The following ATM variants were observed in gnomAD, a reference collection of about 807,000 sequenced individuals.
The protein encoded by ATM is serine-protein kinase ATM.
In ATM, 308 loss-of-function variants were observed where a neutral mutation model predicts 387.0. That is an observed-to-expected ratio of 0.80 (90% confidence interval 0.73 to 0.87). ATM has a LOEUF of 0.87. ATM is among the 40% of genes least tolerant of loss of function. ATM has a pLI of 0.00. For missense variants in ATM, 3,312 were observed against 3,560.9 expected (o/e 0.93, Z 1.78); for synonymous variants, 1,156 against 1,187.3 (o/e 0.97, Z 0.54).
intron 29 of ATM, among the ~76,000 whole-genome samples, chr11:108,291,538 A>C (rs1021842704): frequency 1.3e-5 from 2 of 152,196 alleles, no homozygotes; most frequent in Non-Finnish European, 2.9e-5. Flanking sequence ...GCCATTGAGA[A>C]ACTAATCTAT....
intron 37 of ATM, among the ~76,000 whole-genome samples, 153 bp from the exon 38 acceptor site, chr11:108,307,744 G>A (rs576426783): frequency 6.6e-6 from 1 of 152,214 alleles, no homozygotes; most frequent in South Asian, 2.1e-4. Flanking sequence ...AAAAGCAAAA[G>A]AAATCCTATT....
In ATM at chr11:108,366,332, A is replaced by G; in HGVS notation, c.*824A>G. ...ATCCATTGGGCTTCTTCTTTCAGAA[A>G]TTGTTTTTCATTTCTAATTATGCAT... On this transcript the variant is annotated 3_prime_UTR_variant, in exon 63 of 63. Transcript: ENST00000675843. The G allele has an allele frequency of 4.7e-6, 1 of 211,598 alleles. No individual in the cohort carries two copies. Among genetic ancestry groups the G allele is most frequent in the Non-Finnish European group, 9.6e-6 (1 of 104,444 alleles). The allele number at this position is 211,598 out of a possible 1,614,324, so 13.1% of individuals were successfully genotyped here.
At chr11:108,277,040 C>A (rs562592949) in intron 22 of ATM, among the ~76,000 whole-genome samples, 1 of 152,282 alleles carries the variant, frequency 6.6e-6, no homozygotes, top group South Asian at 2.1e-4. Context: ...GGGGCTGCTG[C>A]CTGTCTTTCA....
At chr11:108,232,537 T>C (rs1402802715) in intron 4 of ATM, among the ~76,000 whole-genome samples, 13 of 130,486 alleles carry the variant, frequency 1.0e-4, no homozygotes, top group African/African-American at 3.8e-4. Flanking sequence ...CTTTTTTTTT[T>C]TTTTTTTTTT....
intron 15 of ATM, among the ~76,000 whole-genome samples, chr11:108,258,626 T>A (rs2080658443): frequency 6.6e-6 from 1 of 152,190 alleles, no homozygotes; most frequent in African/African-American, 2.4e-5. Flanking sequence ...TCAAACCTAG[T>A]ATTAGGTACA....
intron 57 of ATM, among the ~76,000 whole-genome samples, chr11:108,345,210 C>T (rs2088170478): frequency 6.6e-6 from 1 of 152,136 alleles, no homozygotes; most frequent in Non-Finnish European, 1.5e-5. Flanking sequence ...TAAGCTAAAG[C>T]TTAATAAAGA....
intron 9 of ATM, among the ~76,000 whole-genome samples, chr11:108,250,485 A>T (rs1250986842): frequency 6.6e-6 from 1 of 152,142 alleles, no homozygotes; most frequent in Non-Finnish European, 1.5e-5. Flanking sequence ...AGGGAAACTT[A>T]ACAGCTTACC....
rs758908522 is a variant in ATM, at chr11:108,304,811, C to T, written c.5633C>T (p.Ser1878Leu). The change falls in exon 37 of 63, where the codon TCG (serine) becomes TTG (leucine). Residue 1878 changes from serine (S) to leucine (L), a missense_variant. Around this residue, in one of 4 missense-constraint regions of ATM, gnomAD observed 1,405 missense variants for 1,604.4 expected, o/e 0.88. Transcript: ENST00000675843. Reference sequence around the variant, plus strand: ...TTCACCAGCTGTCTTCGACACTTCTCGCAAACGAGCCGATCCACAACCCCT... The same window carrying T: ...TTCACCAGCTGTCTTCGACACTTCTTGCAAACGAGCCGATCCACAACCCCT... ...GFFTSCLRHF[S>L]QTSRSTTPAN... 24 of 1,612,840 alleles carry T rather than the reference C, an allele frequency of 1.5e-5. 1 individual carries two copies. The South Asian group carries it at 1.5e-4, about 10-fold the overall frequency.
rs750027746 is a variant in ATM at position 108,293,414 on chromosome 11, T to C, written c.4713T>C (p.Phe1571=). 6.2e-7 allele frequency: 1 copy of C among 1,612,478 alleles called. No individual in the cohort carries two copies. Among genetic ancestry groups the C allele is most frequent in the South Asian group, 1.1e-5 (1 of 91,024 alleles). The change falls in exon 31 of 63, where the codon TTT becomes TTC. Residue 1571 remains phenylalanine, a synonymous_variant. Coordinates refer to ENST00000675843, the MANE Select transcript of ATM (RefSeq NM_000051.4). ...ATCCTTTTCCTGACCATGTTGTTTT[T>C]AAGGATTTGCGTATTACTCAGCAAA... ...LLDPFPDHVV[F]KDLRITQQKI... is the part of the protein sequence containing the mutation.
intron 56 of ATM, among the ~76,000 whole-genome samples, chr11:108,341,240 A>G (rs1328328524): frequency 6.6e-6 from 1 of 152,018 alleles, no homozygotes; most frequent in East Asian, 1.9e-4. Flanking sequence ...TCTGCCTGCA[A>G]TGCTTTTCCC....
intron 16 of ATM, 144 bp downstream of exon 16, chr11:108,259,219 G>C: frequency 5.2e-6 from 4 of 762,294 alleles, no homozygotes; most frequent in Non-Finnish European, 8.8e-6. Context: ...GCCAGGTGCG[G>C]TGGCTCATGC....
At chr11:108,325,829 T>C (rs2085619265) in intron 46 of ATM, among the ~76,000 whole-genome samples, 1 of 152,170 alleles carries the variant, frequency 6.6e-6, no homozygotes, top group Non-Finnish European at 1.5e-5. Context: ...ATACTGTGTG[T>C]ATGTACACAC....
chr11:108,325,689 C>A, intron 46 of ATM, 145 bp downstream of exon 46: 1 of 798,778 alleles, frequency 1.3e-6, no homozygotes, highest in Non-Finnish European at 1.9e-6. Flanking sequence ...TTAAGAGTTC[C>A]CATTTTGGAA....
At chr11:108,228,644 C>T (rs1464844587) in intron 3 of ATM, among the ~76,000 whole-genome samples, 1 of 152,186 alleles carries the variant, frequency 6.6e-6, no homozygotes. Context: ...TAAAATGAAA[C>T]ATGCATGCTG....
At chr11:108,265,139 G>C (rs983410395) in intron 16 of ATM, among the ~76,000 whole-genome samples, 2 of 150,850 alleles carry the variant, frequency 1.3e-5, no homozygotes, top group African/African-American at 4.9e-5. Flanking sequence ...CTACTTTAAA[G>C]TTCATATGGA....
chr11:108,229,496 T>A (rs992127394), intron 4 of ATM, 173 bp downstream of exon 4: 1 of 616,882 alleles, frequency 1.6e-6, no homozygotes, highest in Non-Finnish European at 2.6e-6. Flanking sequence ...TATTAAAAGG[T>A]TTTTTTTTAG....
intron 5 of ATM, among the ~76,000 whole-genome samples, chr11:108,236,938 A>G (rs1365194057): frequency 2.0e-5 from 3 of 152,238 alleles, no homozygotes; most frequent in Non-Finnish European, 4.4e-5. Flanking sequence ...GTCAGGTGTC[A>G]AAGTCTTCTA....
In ATM at chr11:108,343,247, G is replaced by A. The variant is rs1565557835; in HGVS notation, c.8294G>A (p.Gly2765Asp). The change falls in exon 57 of 63, where the codon GGT becomes GAT. Residue 2765 changes from glycine to aspartate, a missense_variant. Gly to Asp is a moderately conservative substitution (Grantham distance 94). Coordinates refer to ENST00000675843, the MANE Select transcript of ATM (RefSeq NM_000051.4). ...YKVVPLSQRS[G>D]VLEWCTGTVP... ...GTGGTTCCCCTCTCTCAGCGAAGTG[G>A]TGTTCTTGAATGGTGCACAGGAACT... is the stretch of plus-strand genomic sequence containing the variant. The A allele has an allele frequency of 6.2e-7, 1 of 1,613,982 alleles. No homozygotes were observed. Among genetic ancestry groups the A allele is most frequent in the Non-Finnish European group, 8.5e-7 (1 of 1,179,928 alleles).
At chr11:108,356,214 A>AAGTT (rs1441539769) in intron 61 of ATM, 1 of 152,022 alleles carries the variant, frequency 6.6e-6, no homozygotes, top group Non-Finnish European at 1.5e-5. Context: ...TTAAACTCTA[A>AAGTT]AGTTATATTA....
Sources: allele counts gnomAD v4.1 joint callset (sites outside exome capture counted in the v4.1 genomes callset), GRCh38; gene constraint gnomAD v4.1.1; regional missense constraint gnomAD v4.1.1; transcripts MANE v1.5; gene names NCBI Gene and HGNC (gene_info 2026-07-23, HGNC 2026-07-21).